Variants in KAT6B observed in about 807,000 individuals in gnomAD.
KAT6B encodes histone acetyltransferase KAT6B.
In KAT6B, 10 loss-of-function variants were observed where a neutral mutation model predicts 187.5. That is an observed-to-expected ratio of 0.05 (90% CI 0.03 to 0.09). The LOEUF (loss-of-function observed/expected upper bound fraction) is 0.09. Among genes scored for constraint, KAT6B ranks in the 10% least tolerant of loss-of-function variants. The probability of loss-of-function intolerance (pLI) is 1.00; values close to 1 mark genes in which losing one functional copy is unlikely to be tolerated. For synonymous variants in KAT6B, 861 were observed against 926.8 expected, an observed-to-expected ratio of 0.93 and a Z score of 1.29; for missense variants, 1,952 against 2,558.9, an observed-to-expected ratio of 0.76 and a Z score of 5.12.
At chr10:74,862,947 C>T (rs1564527986) in intron 3 of KAT6B, among the ~76,000 whole-genome samples, 1 of 152,152 alleles carries the variant, frequency 6.6e-6, no homozygotes, top group African/African-American at 2.4e-5. Context: ...TACCTTCTAA[C>T]GAAGACCTCC....
At chr10:74,939,112 T>C (rs1253364677) in intron 3 of KAT6B, among the ~76,000 whole-genome samples, 1 of 151,922 alleles carries the variant, frequency 6.6e-6, no homozygotes, top group Non-Finnish European at 1.5e-5. Context: ...AGTTATCTTT[T>C]TAGTGTGAAG....
At chr10:74,875,887 A>G (rs1229907312) in intron 3 of KAT6B, among the ~76,000 whole-genome samples, 1 of 152,218 alleles carries the variant, frequency 6.6e-6, no homozygotes, top group Non-Finnish European at 1.5e-5. Flanking sequence ...CACACAAATT[A>G]TCATCTGAAA....
At position 74,985,213 on chromosome 10, in the gene KAT6B, G is replaced by C; in HGVS notation, c.2507G>C (p.Gly836Ala). The C allele has an allele frequency of 1.2e-6, 2 of 1,614,040 alleles. No homozygotes were observed. The highest frequency in any genetic ancestry group is 1.7e-6 in the Non-Finnish European group (2 of 1,179,992). Residue 836 changes from glycine to alanine, a missense_variant, in exon 12 of 18, where the codon GGC becomes GCC. Gly to Ala is a moderately conservative substitution (Grantham distance 60). Transcript: ENST00000287239. ...GTCCTTACAAAAAATGATGAAAAGG[G>C]CTGTCATCTGGTTGGATACTTCTCT... ...FYVLTKNDEK[G>A]CHLVGYFSKE... is the part of the protein sequence containing the mutation.
At chr10:74,965,794 C>T (rs903993873) in intron 4 of KAT6B, among the ~76,000 whole-genome samples, 12 of 151,058 alleles carry the variant, frequency 7.9e-5, no homozygotes, top group Non-Finnish European at 1.2e-4. Context: ...GGCGTGATCT[C>T]GGTTCACTGC....
At chr10:74,896,144 A>C (rs1269475857) in intron 3 of KAT6B, among the ~76,000 whole-genome samples, 1 of 152,056 alleles carries the variant, frequency 6.6e-6, no homozygotes, top group African/African-American at 2.4e-5. Context: ...CACTTGTCTG[A>C]AAGTATTGTG....
chr10:74,897,686 T>G (rs780188877), intron 3 of KAT6B, among the ~76,000 whole-genome samples: 3 of 152,208 alleles, frequency 2.0e-5, no homozygotes, highest in Non-Finnish European at 2.9e-5. Flanking sequence ...CAATAGATAC[T>G]TGATTTTTAA....
intron 15 of KAT6B, among the ~76,000 whole-genome samples, chr10:75,021,495 A>C (rs1305609972): frequency 1.3e-5 from 2 of 152,194 alleles, no homozygotes; most frequent in Non-Finnish European, 2.9e-5. Flanking sequence ...TTTATCATTG[A>C]TTACAAAGCA....
chr10:74,843,180 A>G lies in KAT6B; in HGVS notation c.323A>G (p.Asn108Ser). 6.2e-7 allele frequency: 1 copy of G among 1,614,222 alleles called. No individual in the cohort carries two copies. Residue 108 changes from asparagine (N) to serine (S), a missense_variant, in exon 3 of 18, where the codon AAT (asparagine) becomes AGT (serine). Asn to Ser is a conservative substitution (Grantham distance 46). Transcript: ENST00000287239. ...SCNDLRNVDW[N>S]KLLRRAIEGL... is the part of the protein sequence containing the mutation. The stretch of plus-strand genomic sequence containing the variant: ...AATGATCTCCGCAATGTGGATTGGA[A>G]TAAACTTTTAAGGAGAGCAATTGAA...
intron 1 of KAT6B, among the ~76,000 whole-genome samples, chr10:74,828,704 A>G (rs1840480929): frequency 6.6e-6 from 1 of 150,998 alleles, no homozygotes; most frequent in Non-Finnish European, 1.5e-5. Context: ...AGTAGCTGGG[A>G]CTACAGGCGC....
chr10:74,954,068 T>C (rs1024302181), intron 3 of KAT6B, among the ~76,000 whole-genome samples: 3 of 152,214 alleles, frequency 2.0e-5, no homozygotes, highest in African/African-American at 4.8e-5. Context: ...CGTTAAAATA[T>C]TTGATCTGGA....
At chr10:74,834,570 G>GA (rs1231230194) in intron 1 of KAT6B, among the ~76,000 whole-genome samples, 6 of 152,108 alleles carry the variant, frequency 3.9e-5, no homozygotes, top group African/African-American at 1.4e-4. Context: ...CTAGGCTGGA[G>GA]AGCAGTGGCA....
At chr10:75,017,608 T>C (rs1238517315) in intron 13 of KAT6B, among the ~76,000 whole-genome samples, 2 of 151,940 alleles carry the variant, frequency 1.3e-5, no homozygotes, top group Non-Finnish European at 2.9e-5. Context: ...AGCAAGTCTC[T>C]GTCTCAAAAA....
intron 3 of KAT6B, among the ~76,000 whole-genome samples, chr10:74,947,075 C>T (rs1840004431): frequency 6.6e-6 from 1 of 152,134 alleles, no homozygotes. Context: ...TCTTGGCTCA[C>T]TACAACCTCC....
intron 3 of KAT6B, among the ~76,000 whole-genome samples, chr10:74,884,945 C>A (rs1473035114): frequency 1.3e-5 from 2 of 152,052 alleles, no homozygotes; most frequent in Non-Finnish European, 2.9e-5. Context: ...TTTTCTCTAT[C>A]TGCACCATCC....
intron 7 of KAT6B, among the ~76,000 whole-genome samples, chr10:74,975,085 C>T (rs1319108110): frequency 6.6e-6 from 1 of 152,122 alleles, no homozygotes; most frequent in African/African-American, 2.4e-5. Context: ...CAAAGGATAG[C>T]TTGTTTTTAT....
At chr10:74,933,914 G>A (rs372895004) in intron 3 of KAT6B, among the ~76,000 whole-genome samples, 8 of 152,104 alleles carry the variant, frequency 5.3e-5, no homozygotes, top group East Asian at 1.9e-4. Flanking sequence ...GGCCGGGTGC[G>A]GTGGCTTATG....
intron 3 of KAT6B, among the ~76,000 whole-genome samples, chr10:74,855,171 G>A (rs181394985): frequency 3.3e-5 from 5 of 152,302 alleles, no homozygotes; most frequent in Admixed American, 1.3e-4. Flanking sequence ...AATTTCTTCC[G>A]TCTTCTTTGA....
chr10:74,985,570 G>A (rs955897607), intron 12 of KAT6B, among the ~76,000 whole-genome samples: 1 of 152,188 alleles, frequency 6.6e-6, no homozygotes, highest in Non-Finnish European at 1.5e-5. Flanking sequence ...TTTCAGTTTA[G>A]TGTAGCATTT....
At chr10:74,991,760 T>C (rs1224116345) in intron 13 of KAT6B, among the ~76,000 whole-genome samples, 2 of 152,218 alleles carry the variant, frequency 1.3e-5, no homozygotes, top group Admixed American at 1.3e-4. Flanking sequence ...AGGGGAAGAA[T>C]TTTATAGCAC....
Sources: gnomAD v4.1 joint callset for allele counts (sites outside exome capture counted in the v4.1 genomes callset) on GRCh38, gnomAD v4.1.1 for gene constraint, MANE v1.5 for transcripts, NCBI Gene and HGNC (gene_info 2026-07-23, HGNC 2026-07-21) for gene names.